Variants in SHROOM3 observed in about 807,000 individuals in gnomAD.
SHROOM3 encodes shroom family member 3.
A neutral mutation model predicts 138.6 loss-of-function variants in SHROOM3; 47 were observed. The observed-to-expected ratio is 0.34, with a 90% CI of 0.27 to 0.43. The LOEUF (loss-of-function observed/expected upper bound fraction) is 0.43, where lower values mean the gene tolerates loss of function less well. Ranked by LOEUF, SHROOM3 falls within the 20% of genes least tolerant of loss-of-function variation. The pLI, the probability that SHROOM3 is intolerant of heterozygous loss-of-function variation, is 1.00. For synonymous variants in SHROOM3, 1,062 were observed against 1,063.3 expected (o/e 1.00, Z 0.02); for missense variants, 2,491 against 2,596.5 (o/e 0.96, Z 0.88).
rs147865265 is a variant in SHROOM3, at chr4:76,490,465, C to T, written c.168+54245C>T. 1.3e-4 allele frequency among the ~76,000 whole-genome samples: 19 copies of T among 151,950 alleles called. No individual in the cohort carries two copies. In the East Asian group the frequency reaches 3.5e-3, roughly 28 times the overall value. On this transcript the variant is annotated intron_variant, in intron 1 of 10. Transcript: ENST00000296043. ...AGACGGGAGTTTTCACCATGTTAGCCAGGATGGTCTCAATCTCCTGACCTC... is the reference window on the plus strand; with the variant it reads ...AGACGGGAGTTTTCACCATGTTAGCTAGGATGGTCTCAATCTCCTGACCTC...
chr4:76,691,883 C>G lies in SHROOM3; in HGVS notation c.324-18273C>G, dbSNP rs543044013. 3.9e-4 allele frequency among the ~76,000 whole-genome samples: 59 copies of G among 152,292 alleles called. 1 individual carries two copies. The South Asian group carries it at 5.6e-3, about 14-fold the overall frequency. On this transcript the variant is annotated intron_variant, in intron 2 of 10. Coordinates refer to ENST00000296043, the MANE Select transcript of SHROOM3 (RefSeq NM_020859.4). ...ATCAATTATTCTTGTAAGTTCTGTT[C>G]GAGGATGTTTCCCTGGAGTCCAGCA...
intron 1 of SHROOM3, among the ~76,000 whole-genome samples, chr4:76,469,595 G>A (rs367948768): frequency 5.9e-5 from 9 of 152,116 alleles, no homozygotes; most frequent in East Asian, 3.9e-4. Context: ...TAGCTGGGAC[G>A]TCAGGTGCAT....
intron 1 of SHROOM3, among the ~76,000 whole-genome samples, chr4:76,485,920 T>A (rs1731720119): frequency 6.6e-6 from 1 of 152,242 alleles, no homozygotes; most frequent in Non-Finnish European, 1.5e-5. Flanking sequence ...ATGACTCATC[T>A]GCATAGATCC....
At chr4:76,751,543 T>C (rs892177904) in intron 6 of SHROOM3, among the ~76,000 whole-genome samples, 1 of 152,206 alleles carries the variant, frequency 6.6e-6, no homozygotes, top group African/African-American at 2.4e-5. Context: ...CATTCTCCAC[T>C]CTTTTTATCT....
At chr4:76,773,922 A>G (rs1435130328) in intron 10 of SHROOM3, among the ~76,000 whole-genome samples, 1 of 152,198 alleles carries the variant, frequency 6.6e-6, no homozygotes, top group Non-Finnish European at 1.5e-5. Flanking sequence ...ACTTCAGCCT[A>G]TAGGTAGGGA....
At chr4:76,603,838 CTTTTTTTTTTT>C (rs993165829) in intron 2 of SHROOM3, among the ~76,000 whole-genome samples, 2 of 97,284 alleles carry the variant, frequency 2.1e-5, no homozygotes, top group African/African-American at 8.1e-5. Context: ...ATCTTGTATT[CTTTTTTTTTTT>C]TTTTTTTTTT....
chr4:76,687,906 G>A (rs908597953), intron 2 of SHROOM3, among the ~76,000 whole-genome samples: 12 of 152,190 alleles, frequency 7.9e-5, no homozygotes, highest in Non-Finnish European at 5.9e-5. Context: ...AGATAAAGCA[G>A]CAGCAGGAGA....
chr4:76,471,834 G>A (rs144802803), intron 1 of SHROOM3, among the ~76,000 whole-genome samples: 1 of 152,280 alleles, frequency 6.6e-6, no homozygotes, highest in African/African-American at 2.4e-5. Context: ...CTCATTAGAT[G>A]TAAGAGCAGC....
rs185044523 is a variant in SHROOM3, at chr4:76,717,151, A to G, written c.455+6864A>G. Among the ~76,000 whole-genome samples, 91 of 152,164 alleles carry G rather than the reference A, an allele frequency of 6.0e-4. 1 individual carries two copies. Among genetic ancestry groups the G allele is most frequent in the Middle Eastern group, 6.8e-3 (2 of 294 alleles). ...TTTGTTTTTCCTTTCAACACTTTCA[A>G]TCTTTTACTCCACTCTCTTCTTTCT... On this transcript the variant is annotated intron_variant, in intron 3 of 10. Coordinates refer to ENST00000296043, the MANE Select transcript of SHROOM3 (RefSeq NM_020859.4).
At chr4:76,526,583 C>A (rs1429291226) in intron 1 of SHROOM3, among the ~76,000 whole-genome samples, 3 of 152,198 alleles carry the variant, frequency 2.0e-5, no homozygotes, top group African/African-American at 7.2e-5. Context: ...AAGAGAACGT[C>A]TACAGGAGGA....
At chr4:76,657,150 C>T (rs1252853365) in intron 2 of SHROOM3, among the ~76,000 whole-genome samples, 1 of 151,984 alleles carries the variant, frequency 6.6e-6, no homozygotes, top group Non-Finnish European at 1.5e-5. Flanking sequence ...GAACTCCAGC[C>T]TGGGCAACAA....
At chr4:76,510,082 C>T (rs1158777243) in intron 1 of SHROOM3, among the ~76,000 whole-genome samples, 1 of 152,142 alleles carries the variant, frequency 6.6e-6, no homozygotes, top group Non-Finnish European at 1.5e-5. Context: ...TTTGCCAATA[C>T]CAAAATCCTC....
chr4:76,681,641 C>A (rs199554096), intron 2 of SHROOM3, among the ~76,000 whole-genome samples: 1 of 17,314 alleles, frequency 5.8e-5, no homozygotes, highest in African/African-American at 2.7e-4. Context: ...GTGTATGTGT[C>A]TGGATGAGAT....
At chr4:76,487,395 T>A (rs570543686) in intron 1 of SHROOM3, among the ~76,000 whole-genome samples, 3 of 152,382 alleles carry the variant, frequency 2.0e-5, no homozygotes, top group East Asian at 3.8e-4. Flanking sequence ...TGAATAGTGC[T>A]GTTGTGAATA....
At chr4:76,675,581 G>C (rs962142306) in intron 2 of SHROOM3, among the ~76,000 whole-genome samples, 2 of 152,178 alleles carry the variant, frequency 1.3e-5, no homozygotes, top group Non-Finnish European at 1.5e-5. Context: ...GTAGAGGCCA[G>C]GCGCGATGGC....
Position 76,694,966 on chromosome 4 carries a change from C to T in SHROOM3, c.324-15190C>T, listed in dbSNP as rs562324853. 3.3e-5 allele frequency among the ~76,000 whole-genome samples: 5 copies of T among 152,310 alleles called. No individual in the cohort carries two copies. In the South Asian group the frequency reaches 1.0e-3, roughly 32 times the overall value. On this transcript the variant is annotated intron_variant, in intron 2 of 10. Coordinates refer to ENST00000296043, the MANE Select transcript of SHROOM3 (RefSeq NM_020859.4). The stretch of plus-strand genomic sequence containing the variant: ...TGCCAGGGTTAGTACCCAATACCAT[C>T]CTGTCAATTAATGGATGAGGTCTGT...
rs528746390 is a variant in SHROOM3 at position 76,616,694 on chromosome 4, T to G, written c.323+60931T>G. On this transcript the variant is annotated intron_variant, in intron 2 of 10. Transcript: ENST00000296043. ...CTGGGTAAGTGGGGAAAGGGAGAGC[T>G]ATTGCTTAATGGTGACTTTCAGTTT... Among the ~76,000 whole-genome samples the G allele has an allele frequency of 3.3e-5, 5 of 152,320 alleles. No individual in the cohort carries two copies. In the South Asian group the frequency reaches 1.0e-3, roughly 32 times the overall value.
At chr4:76,495,524 C>T (rs1192494762) in intron 1 of SHROOM3, among the ~76,000 whole-genome samples, 1 of 152,238 alleles carries the variant, frequency 6.6e-6, no homozygotes, top group Non-Finnish European at 1.5e-5. Flanking sequence ...ACTTCTGTGC[C>T]TTTCTGCTTC....
At chr4:76,436,370 C>T in intron 1 of SHROOM3, 150 bp downstream of exon 1, 2 of 916,906 alleles carry the variant, frequency 2.2e-6, no homozygotes, top group South Asian at 3.4e-5. Flanking sequence ...TTTTGGATAG[C>T]CTGGGATTTG....
Sources: allele counts gnomAD v4.1 joint callset (sites outside exome capture counted in the v4.1 genomes callset), GRCh38; gene constraint gnomAD v4.1.1; transcripts MANE v1.5; gene names NCBI Gene and HGNC (gene_info 2026-07-23, HGNC 2026-07-21).